Variants in EPHB1 observed in about 807,000 individuals in gnomAD.
EPHB1 encodes the protein ephrin type-B receptor 1.
Under a neutral mutation model 94.4 loss-of-function variants are expected in EPHB1, and 30 were observed. The ratio of observed to expected loss-of-function variants is 0.32; its 90% confidence interval spans 0.24 to 0.43. The LOEUF (loss-of-function observed/expected upper bound fraction) is 0.43, where lower values mean the gene tolerates loss of function less well. Among genes scored for constraint, EPHB1 ranks in the 20% least tolerant of loss-of-function variants. The probability of loss-of-function intolerance (pLI) is 1.00; values close to 1 mark genes in which losing one functional copy is unlikely to be tolerated. For missense variants in EPHB1, 1,055 were observed against 1,308.3 expected, an observed-to-expected ratio of 0.81 and a Z score of 2.99; for synonymous variants, 522 against 489.1, an observed-to-expected ratio of 1.07 and a Z score of -0.89.
At chr3:134,799,586 C>T (rs1429531797) in intron 1 of EPHB1, among the ~76,000 whole-genome samples, 1 of 152,132 alleles carries the variant, frequency 6.6e-6, no homozygotes, top group Non-Finnish European at 1.5e-5. Context: ...CTGCAGAGGC[C>T]CAGACTCAGT....
chr3:135,060,468 A>G (rs1302302976), intron 3 of EPHB1, among the ~76,000 whole-genome samples: 1 of 152,254 alleles, frequency 6.6e-6, no homozygotes. Flanking sequence ...GGCTATTACA[A>G]ATAATGCTAC....
At chr3:135,169,743 T>C (rs1052275016) in intron 9 of EPHB1, among the ~76,000 whole-genome samples, 3 of 152,150 alleles carry the variant, frequency 2.0e-5, no homozygotes, top group African/African-American at 7.2e-5. Flanking sequence ...CTTAAACTCA[T>C]TGAGTCTTCA....
intron 1 of EPHB1, among the ~76,000 whole-genome samples, chr3:134,855,611 C>T (rs1449611845): frequency 2.0e-5 from 3 of 152,158 alleles, no homozygotes; most frequent in African/African-American, 7.2e-5. Context: ...GAGCCATAAC[C>T]TGATTGAGTA....
chr3:135,009,754 A>G (rs1244825105), intron 3 of EPHB1, among the ~76,000 whole-genome samples: 1 of 152,226 alleles, frequency 6.6e-6, no homozygotes. Context: ...ACCTAGTTTT[A>G]ATTACCTTTT....
At chr3:135,231,811 G>C (rs111231402) in intron 12 of EPHB1, among the ~76,000 whole-genome samples, 1 of 152,078 alleles carries the variant, frequency 6.6e-6, no homozygotes, top group Non-Finnish European at 1.5e-5. Context: ...CATGACAAAC[G>C]AGACCATCCT....
At chr3:134,869,320 A>T (rs9812132) in intron 1 of EPHB1, among the ~76,000 whole-genome samples, 1 of 152,176 alleles carries the variant, frequency 6.6e-6, no homozygotes, top group Non-Finnish European at 1.5e-5. Context: ...TTCTTGTTGC[A>T]CCTCTGTTGG....
At chr3:134,987,092 C>T (rs892438513) in intron 3 of EPHB1, among the ~76,000 whole-genome samples, 1 of 152,146 alleles carries the variant, frequency 6.6e-6, no homozygotes, top group African/African-American at 2.4e-5. Context: ...AAATACTGGG[C>T]ACTCACTATT....
At chr3:135,097,025 G>A (rs1938809525) in intron 3 of EPHB1, among the ~76,000 whole-genome samples, 1 of 150,480 alleles carries the variant, frequency 6.6e-6, no homozygotes. Flanking sequence ...GAACCCTGGA[G>A]GTGGAGGTTG....
intron 5 of EPHB1, among the ~76,000 whole-genome samples, chr3:135,135,370 C>A (rs1282126606): frequency 6.6e-6 from 1 of 152,166 alleles, no homozygotes; most frequent in Non-Finnish European, 1.5e-5. Flanking sequence ...TTATTTTCAA[C>A]CAACAGATAG....
At chr3:134,810,596 C>T (rs914238579) in intron 1 of EPHB1, among the ~76,000 whole-genome samples, 2 of 152,184 alleles carry the variant, frequency 1.3e-5, no homozygotes, top group Non-Finnish European at 2.9e-5. Context: ...AATGTATCAG[C>T]GTACAAAGCA....
intron 1 of EPHB1, among the ~76,000 whole-genome samples, chr3:134,854,280 A>G (rs192693283): frequency 7.9e-4 from 120 of 152,108 alleles, no homozygotes; most frequent in Non-Finnish European, 2.4e-4. Context: ...GAGGAATAGG[A>G]TTCTGCTTGA....
At chr3:135,143,783 G>T (rs1388194820) in intron 5 of EPHB1, among the ~76,000 whole-genome samples, 2 of 152,194 alleles carry the variant, frequency 1.3e-5, no homozygotes, top group African/African-American at 2.4e-5. Context: ...CACCTCCACA[G>T]CCTCCCATGG....
chr3:134,983,617 A>G (rs1934492768), intron 3 of EPHB1, among the ~76,000 whole-genome samples: 1 of 152,236 alleles, frequency 6.6e-6, no homozygotes, highest in Non-Finnish European at 1.5e-5. Context: ...GGGAGTCAGA[A>G]GCTTAGCTAT....
rs550164134 is a variant in EPHB1, at chr3:135,019,144, G to A, written c.805+67092G>A. The stretch of plus-strand genomic sequence containing the variant: ...CCCCACACCCCATACCTCAGACCCC[G>A]AGCCTTTAGCACCAGCACAGGAGGT... On this transcript the variant is annotated intron_variant, in intron 3 of 15. Coordinates refer to ENST00000398015, the MANE Select transcript of EPHB1 (RefSeq NM_004441.5). 1.2e-4 allele frequency among the ~76,000 whole-genome samples: 18 copies of A among 152,184 alleles called. No individual in the cohort carries two copies. The South Asian group carries it at 2.7e-3, about 23-fold the overall frequency.
chr3:135,118,770 C>G (rs1052971640), intron 4 of EPHB1, among the ~76,000 whole-genome samples: 3 of 152,202 alleles, frequency 2.0e-5, no homozygotes, highest in African/African-American at 4.8e-5. Context: ...CAGAATTGCA[C>G]AGGGAGGCCC....
At chr3:134,841,062 T>C (rs1205883181) in intron 1 of EPHB1, among the ~76,000 whole-genome samples, 3 of 152,196 alleles carry the variant, frequency 2.0e-5, no homozygotes, top group African/African-American at 7.2e-5. Context: ...TCCCTCCTTC[T>C]CAGAGCCCCC....
intron 1 of EPHB1, among the ~76,000 whole-genome samples, chr3:134,838,675 G>A (rs566577009): frequency 2.0e-4 from 30 of 152,180 alleles, no homozygotes; most frequent in Admixed American, 3.9e-4. Flanking sequence ...AATCAATCAC[G>A]TGTAGCCTTT....
At chr3:135,080,335 G>C (rs1576367973) in intron 3 of EPHB1, among the ~76,000 whole-genome samples, 1 of 152,222 alleles carries the variant, frequency 6.6e-6, no homozygotes, top group South Asian at 2.1e-4. Flanking sequence ...CCAGAGAGAA[G>C]GGGGAGGGGT....
chr3:134,855,351 G>A (rs916313673), intron 1 of EPHB1, among the ~76,000 whole-genome samples: 1 of 152,166 alleles, frequency 6.6e-6, no homozygotes, highest in African/African-American at 2.4e-5. Flanking sequence ...TGGGGTGATG[G>A]AACTGCCCTG....
Sources: gnomAD v4.1 joint callset for allele counts (sites outside exome capture counted in the v4.1 genomes callset) on GRCh38, gnomAD v4.1.1 for gene constraint, MANE v1.5 for transcripts, NCBI Gene and HGNC (gene_info 2026-07-23, HGNC 2026-07-21) for gene names.